Variants in CNOT6L observed in about 807,000 individuals in gnomAD.
The protein encoded by CNOT6L is CCR4-NOT transcription complex subunit 6-like.
Under a neutral mutation model 64.0 loss-of-function variants are expected in CNOT6L, and 7 were observed. The ratio of observed to expected loss-of-function variants is 0.11; its 90% confidence interval spans 0.06 to 0.21. CNOT6L has a LOEUF of 0.21. CNOT6L is among the 10% of genes least tolerant of loss of function. The pLI is 1.00. For synonymous variants in CNOT6L, 193 were observed against 243.4 expected, an observed-to-expected ratio of 0.79 and a Z score of 1.93; for missense variants, 245 against 669.0, an observed-to-expected ratio of 0.37 and a Z score of 6.99.
intron 6 of CNOT6L, among the ~76,000 whole-genome samples, chr4:77,747,114 T>C (rs1461450936): frequency 6.6e-6 from 1 of 152,100 alleles, no homozygotes; most frequent in Non-Finnish European, 1.5e-5. Context: ...AAGGCCTTTA[T>C]ATTGCTCAAA....
At chr4:77,808,354 C>T (rs35533309) in intron 1 of CNOT6L, among the ~76,000 whole-genome samples, 2,462 of 150,428 alleles carry the variant, frequency 0.016, 30 homozygotes, top group Non-Finnish European at 0.027. Flanking sequence ...CCCAGCTTCT[C>T]GGGAGGCTGA....
intron 4 of CNOT6L, among the ~76,000 whole-genome samples, chr4:77,763,831 A>T (rs1311171855): frequency 2.6e-5 from 4 of 152,354 alleles, no homozygotes; most frequent in African/African-American, 9.6e-5. Flanking sequence ...CAATAAAAAT[A>T]AATTTAAAAT....
chr4:77,734,372 C>T lies in CNOT6L; in HGVS notation c.873-2834G>A, dbSNP rs187704690. ...ACACACATACACACACATATTTTTA[C>T]GCATTTAGAACAATACTATTCTATC... On this transcript the variant is annotated intron_variant, in intron 8 of 11. Transcript: ENST00000504123. 1.2e-4 allele frequency among the ~76,000 whole-genome samples: 18 copies of T among 152,190 alleles called. No homozygotes were observed. In the East Asian group the frequency reaches 1.3e-3, roughly 11 times the overall value.
At chr4:77,732,581 T>C (rs1722564650) in intron 8 of CNOT6L, among the ~76,000 whole-genome samples, 1 of 152,092 alleles carries the variant, frequency 6.6e-6, no homozygotes, top group African/African-American at 2.4e-5. Flanking sequence ...CCTCCAATTC[T>C]GAACGTGTCA....
intron 4 of CNOT6L, among the ~76,000 whole-genome samples, chr4:77,769,174 C>T (rs965870651): frequency 2.0e-5 from 3 of 152,150 alleles, no homozygotes; most frequent in African/African-American, 7.2e-5. Flanking sequence ...ATAAAAATTA[C>T]ATTCAGTAGG....
At chr4:77,793,794 C>T (rs191462571) in intron 1 of CNOT6L, among the ~76,000 whole-genome samples, 7 of 151,996 alleles carry the variant, frequency 4.6e-5, no homozygotes, top group South Asian at 2.1e-4. Context: ...CAGGTATATG[C>T]GTTATAAATT....
At chr4:77,787,598 A>G (rs1729599203) in intron 1 of CNOT6L, among the ~76,000 whole-genome samples, 2 of 152,216 alleles carry the variant, frequency 1.3e-5, no homozygotes, top group Admixed American at 6.5e-5. Context: ...TCATTCAGTT[A>G]GCACAAGACT....
chr4:77,812,359 A>G (rs6533274), intron 1 of CNOT6L, among the ~76,000 whole-genome samples: 119,032 of 151,102 alleles, frequency 0.79, 47,742 homozygotes, highest in Non-Finnish European at 0.86. Flanking sequence ...AATCACTTGA[A>G]CCCAGGAGGC....
At position 77,715,693 on chromosome 4, in the gene CNOT6L, C is replaced by CTT. The variant is rs1289013788; in HGVS notation, c.*4736_*4737dup. ...CTTACCACCTTCCTGGAAAGAACTG[C>CTT]TTTTTTTTCTTTCTTTCTGTGAATC... On this transcript the variant is annotated 3_prime_UTR_variant, in exon 12 of 12. Coordinates refer to ENST00000504123, the MANE Select transcript of CNOT6L (RefSeq NM_144571.3). 6.6e-6 allele frequency: 1 copy of CTT among 152,282 alleles called. No individual in the cohort carries two copies. The highest frequency in any genetic ancestry group is 2.1e-4 in the South Asian group (1 of 4,816). The allele number at this position is 152,282 out of a possible 1,614,324, so 9.4% of individuals were successfully genotyped here.
intron 1 of CNOT6L, among the ~76,000 whole-genome samples, chr4:77,791,654 CATG>C (rs1347233134): frequency 1.3e-5 from 2 of 152,034 alleles, no homozygotes; most frequent in African/African-American, 2.4e-5. Context: ...CTGTTGTACT[CATG>C]ATATTTTTCT....
At chr4:77,766,924 G>A (rs1175135204) in intron 4 of CNOT6L, among the ~76,000 whole-genome samples, 1 of 151,456 alleles carries the variant, frequency 6.6e-6, no homozygotes, top group African/African-American at 2.4e-5. Flanking sequence ...TTACCTAGGT[G>A]TAGTGGCAGG....
chr4:77,819,383 G>C (rs1413527200), upstream of CNOT6L: 47 of 1,608,982 alleles, frequency 2.9e-5, no homozygotes, highest in East Asian at 4.0e-4. Context: ...ACACGCGCGC[G>C]CGCGCGCACC....
chr4:77,812,209 C>T (rs1733026026), intron 1 of CNOT6L, among the ~76,000 whole-genome samples: 1 of 151,972 alleles, frequency 6.6e-6, no homozygotes, highest in South Asian at 2.1e-4. Flanking sequence ...CTTTGGGAGG[C>T]TGAGGCAGGT....
chr4:77,795,859 A>AT (rs1730777839), intron 1 of CNOT6L, among the ~76,000 whole-genome samples: 1 of 152,228 alleles, frequency 6.6e-6, no homozygotes, highest in Admixed American at 6.5e-5. Flanking sequence ...GACATACCTT[A>AT]TATTCATGGG....
In CNOT6L at chr4:77,776,317, C is replaced by A. The variant is rs202158359; in HGVS notation, c.81G>T (p.Glu27Asp). 2.5e-6 allele frequency: 4 copies of A among 1,611,556 alleles called. No individual in the cohort carries two copies. Among genetic ancestry groups the A allele is most frequent in the Non-Finnish European group, 3.4e-6 (4 of 1,179,334 alleles). Residue 27 changes from glutamate to aspartate, a missense_variant, in exon 2 of 12, where the codon GAG becomes GAT. By Grantham distance (45) the Glu-to-Asp change is conservative. Transcript: ENST00000504123. ...RRIYTIMSAE[E>D]VANGKKSHWA... The stretch of plus-strand genomic sequence containing the variant: ...AGTGAGATTTTTTCCCATTGGCTAC[C>A]TCCTCTGCTGACATGATGGTATAAA...
chr4:77,794,781 C>CAAGCAAG (rs1450865942), intron 1 of CNOT6L, among the ~76,000 whole-genome samples: 3 of 151,988 alleles, frequency 2.0e-5, no homozygotes, highest in African/African-American at 7.2e-5. Flanking sequence ...CCCATGCAAT[C>CAAGCAAG]AAGCAAGAGA....
At chr4:77,772,649 A>G (rs1560415191) in intron 4 of CNOT6L, among the ~76,000 whole-genome samples, 1 of 152,194 alleles carries the variant, frequency 6.6e-6, no homozygotes, top group Non-Finnish European at 1.5e-5. Context: ...TAGGCAGGGC[A>G]CGGTGGCTCA....
chr4:77,759,704 G>A (rs147583858), intron 4 of CNOT6L, among the ~76,000 whole-genome samples: 92 of 152,182 alleles, frequency 6.0e-4, no homozygotes, highest in African/African-American at 2.0e-3. Context: ...AGAGTTACAC[G>A]AATTGTAATT....
At chr4:77,803,879 T>C (rs1731906315) in intron 1 of CNOT6L, among the ~76,000 whole-genome samples, 1 of 150,686 alleles carries the variant, frequency 6.6e-6, no homozygotes, top group African/African-American at 2.4e-5. Flanking sequence ...CTCCAGCCTG[T>C]CAACAAGAGC....
Sources: allele counts gnomAD v4.1 joint callset (sites outside exome capture counted in the v4.1 genomes callset), GRCh38; gene constraint gnomAD v4.1.1; transcripts MANE v1.5; gene names NCBI Gene and HGNC (gene_info 2026-07-23, HGNC 2026-07-21).